The following FMNL2 variants were observed in gnomAD, a reference collection of about 807,000 sequenced individuals.
FMNL2 encodes the protein formin-like protein 2.
In FMNL2, 51 loss-of-function variants were observed where a neutral mutation model predicts 130.2. That is an observed-to-expected ratio of 0.39 (90% CI 0.31 to 0.49). The LOEUF is 0.49. FMNL2 is among the 20% of genes least tolerant of loss of function. The pLI is 0.85. For missense variants in FMNL2, 977 were observed against 1,316.2 expected, an observed-to-expected ratio of 0.74 and a Z score of 3.99; for synonymous variants, 465 against 467.1, an observed-to-expected ratio of 1.00 and a Z score of 0.06.
chr2:152,640,135 C>A, intron 24 of FMNL2, 79 bp downstream of exon 24: 1 of 1,277,204 alleles, frequency 7.8e-7, no homozygotes, highest in South Asian at 1.6e-5. Flanking sequence ...TACAAAGGAC[C>A]AGCAAGCCAG....
At chr2:152,503,524 A>G (rs1236223540) in intron 1 of FMNL2, among the ~76,000 whole-genome samples, 1 of 152,154 alleles carries the variant, frequency 6.6e-6, no homozygotes. Context: ...AAGGAAGTGT[A>G]TACACGGATG....
intron 2 of FMNL2, among the ~76,000 whole-genome samples, chr2:152,539,018 G>T (rs566982486): frequency 1.3e-5 from 2 of 152,244 alleles, no homozygotes; most frequent in Admixed American, 6.5e-5. Context: ...AAACTGCTTT[G>T]GTTGGCAGTC....
chr2:152,404,293 T>C (rs1685866598), intron 1 of FMNL2, among the ~76,000 whole-genome samples: 2 of 152,238 alleles, frequency 1.3e-5, no homozygotes, highest in Admixed American at 1.3e-4. Flanking sequence ...GGACAAGCTT[T>C]TCCTTTCCTA....
intron 6 of FMNL2, among the ~76,000 whole-genome samples, chr2:152,570,069 A>C (rs1696092873): frequency 6.6e-6 from 1 of 152,044 alleles, no homozygotes; most frequent in Non-Finnish European, 1.5e-5. Context: ...AAAGTCTATC[A>C]CTCATACTAG....
chr2:152,613,247 C>T (rs1698779845), intron 11 of FMNL2, among the ~76,000 whole-genome samples: 1 of 152,142 alleles, frequency 6.6e-6, no homozygotes, highest in Non-Finnish European at 1.5e-5. Flanking sequence ...CCTTTTTCTC[C>T]TATGCTCTAA....
chr2:152,386,198 G>T (rs1420867626), intron 1 of FMNL2, among the ~76,000 whole-genome samples: 3 of 152,192 alleles, frequency 2.0e-5, no homozygotes, highest in Non-Finnish European at 4.4e-5. Flanking sequence ...CTTCAAGGGG[G>T]CTATTGTAGA....
intron 1 of FMNL2, among the ~76,000 whole-genome samples, chr2:152,418,369 G>A (rs970115111): frequency 2.0e-5 from 3 of 152,034 alleles, no homozygotes; most frequent in African/African-American, 7.2e-5. Context: ...CATTTGTATT[G>A]TTGGTGGTGC....
At chr2:152,362,707 T>G (rs1455546057) in intron 1 of FMNL2, among the ~76,000 whole-genome samples, 1 of 152,186 alleles carries the variant, frequency 6.6e-6, no homozygotes, top group African/African-American at 2.4e-5. Context: ...TGATTCTATT[T>G]TGACTTAAGG....
intron 1 of FMNL2, among the ~76,000 whole-genome samples, chr2:152,502,127 A>C (rs1691875583): frequency 6.6e-6 from 1 of 152,098 alleles, no homozygotes; most frequent in Non-Finnish European, 1.5e-5. Context: ...ATTTTGGGCG[A>C]GGTGGCGCTA....
At chr2:152,376,932 AG>A in intron 1 of FMNL2, among the ~76,000 whole-genome samples, 1 of 152,206 alleles carries the variant, frequency 6.6e-6, no homozygotes, top group South Asian at 2.1e-4. Context: ...CAAAACTCTG[AG>A]GATTAGAGGA....
At position 152,338,820 on chromosome 2, in the gene FMNL2, T is replaced by TACAC. The variant is rs58367779; in HGVS notation, c.117+3130_117+3133dup. ...TTTCAGGTACAGCTGGAAGGTGAGA[T>TACAC]ACACACACACACACACACACACACA... On this transcript the variant is annotated intron_variant, in intron 1 of 25. Transcript: ENST00000288670. Among the ~76,000 whole-genome samples the TACAC allele has an allele frequency of 7.8e-3, 1,158 of 148,942 alleles. 10 individuals are homozygous for TACAC. Among genetic ancestry groups the TACAC allele is most frequent in the African/African-American group, 9.4e-3 (379 of 40,146 alleles).
At chr2:152,495,627 G>A (rs1046595294) in intron 1 of FMNL2, among the ~76,000 whole-genome samples, 1 of 113,212 alleles carries the variant, frequency 8.8e-6, no homozygotes, top group Non-Finnish European at 1.8e-5. Flanking sequence ...CACCAGCCTA[G>A]GTGACAGAGT....
chr2:152,610,686 C>A (rs141358713), intron 10 of FMNL2, among the ~76,000 whole-genome samples: 1 of 152,120 alleles, frequency 6.6e-6, no homozygotes, highest in African/African-American at 2.4e-5. Flanking sequence ...TTTTGTTTAT[C>A]GATTAATGGA....
rs1553466129 is a variant in FMNL2, at chr2:152,495,669, A to AT, written c.118-26267dup. Among the ~76,000 whole-genome samples, 24 of 147,262 alleles carry AT rather than the reference A, an allele frequency of 1.6e-4. 1 individual carries two copies. The highest frequency in any genetic ancestry group is 3.2e-4 in the African/African-American group (13 of 40,402). ...CCGTCTCACCAAAAAAAAAAAAAAG[A>AT]TTTTTTTCATGCCCTAAAAGCTTTT... is the stretch of plus-strand genomic sequence containing the variant. On this transcript the variant is annotated intron_variant, in intron 1 of 25. Transcript: ENST00000288670.
intron 1 of FMNL2, among the ~76,000 whole-genome samples, chr2:152,383,765 A>G (rs979969398): frequency 1.3e-5 from 2 of 152,224 alleles, no homozygotes; most frequent in African/African-American, 4.8e-5. Context: ...AACTTAGAGG[A>G]AATAAGTTAA....
intron 1 of FMNL2, among the ~76,000 whole-genome samples, chr2:152,445,708 A>T (rs1374635006): frequency 6.6e-6 from 1 of 152,178 alleles, no homozygotes; most frequent in East Asian, 1.9e-4. Context: ...TTGAAAATCT[A>T]CATTTCTTAC....
At chr2:152,562,579 C>G (rs1695589668) in intron 6 of FMNL2, among the ~76,000 whole-genome samples, 2 of 152,100 alleles carry the variant, frequency 1.3e-5, no homozygotes, top group South Asian at 2.1e-4. Context: ...TTGTTTAGAA[C>G]TGGAAAAAAA....
Position 152,602,507 on chromosome 2 carries a change from T to C in FMNL2, c.877-4832T>C, listed in dbSNP as rs568803532. Among the ~76,000 whole-genome samples, 29 of 152,278 alleles carry C rather than the reference T, an allele frequency of 1.9e-4. No homozygotes were observed. The East Asian group carries it at 5.4e-3, about 28-fold the overall frequency. On this transcript the variant is annotated intron_variant, in intron 9 of 25. Transcript: ENST00000288670. ...CTGCTCGGCTCAGTTTTTCTGTAGC[T>C]CTTAAACTTTCTCCCCACCCCACTT...
chr2:152,599,924 G>C lies in FMNL2; in HGVS notation c.877-7415G>C, dbSNP rs551894137. Among the ~76,000 whole-genome samples, 125 of 152,270 alleles carry C rather than the reference G, an allele frequency of 8.2e-4. 1 individual carries two copies. In the South Asian group the frequency reaches 0.025, roughly 31 times the overall value. ...GTTGGAGTGATCTGCTTCTGTCATG[G>C]CTGCTGCATGGTGTATGTGTATGAA... On this transcript the variant is annotated intron_variant, in intron 9 of 25. Transcript: ENST00000288670.
Sources: allele counts gnomAD v4.1 joint callset (sites outside exome capture counted in the v4.1 genomes callset), GRCh38; gene constraint gnomAD v4.1.1; transcripts MANE v1.5; gene names NCBI Gene and HGNC (gene_info 2026-07-23, HGNC 2026-07-21).